The following C21orf91 variants were observed in gnomAD, a reference collection of about 807,000 sequenced individuals.
C21orf91 encodes chromosome 21 open reading frame 91.
Under a neutral mutation model 32.9 loss-of-function variants are expected in C21orf91, and 26 were observed. The ratio of observed to expected loss-of-function variants is 0.79; its 90% CI spans 0.58 to 1.10. C21orf91 has a LOEUF of 1.10. Among genes scored for constraint, C21orf91 ranks in the 50% least tolerant of loss-of-function variants. C21orf91 has a pLI of 0.00. For missense variants in C21orf91, 310 were observed against 341.3 expected, an observed-to-expected ratio of 0.91 and a Z score of 0.72; for synonymous variants, 126 against 120.4, an observed-to-expected ratio of 1.05 and a Z score of -0.31.
At chr21:17,798,017 A>G (rs1428325826) in intron 2 of C21orf91, among the ~76,000 whole-genome samples, 4 of 151,994 alleles carry the variant, frequency 2.6e-5, no homozygotes, top group Non-Finnish European at 4.4e-5. Context: ...CCATGTTATT[A>G]AAGTTAAACA....
intron 2 of C21orf91, among the ~76,000 whole-genome samples, chr21:17,808,386 G>T (rs2062611884): frequency 6.6e-6 from 1 of 152,244 alleles, no homozygotes; most frequent in Non-Finnish European, 1.5e-5. Flanking sequence ...CCAGGCAGAA[G>T]TCTGCTGCAG....
intron 2 of C21orf91, chr21:17,814,005 A>G (rs1408873962): frequency 6.8e-6 from 1 of 147,804 alleles, no homozygotes; most frequent in Non-Finnish European, 1.5e-5. Flanking sequence ...AAGCTAGCTT[A>G]AAAAAAAAAG....
chr21:17,802,378 C>T (rs2062567681), intron 2 of C21orf91, among the ~76,000 whole-genome samples: 1 of 152,160 alleles, frequency 6.6e-6, no homozygotes, highest in Admixed American at 6.5e-5. Context: ...CCAGGCTGGT[C>T]TCAAACTCCC....
At chr21:17,806,326 AAG>A (rs1462169577) in intron 2 of C21orf91, among the ~76,000 whole-genome samples, 1 of 152,232 alleles carries the variant, frequency 6.6e-6, no homozygotes, top group East Asian at 1.9e-4. Context: ...GAGGAGAAAT[AAG>A]AGACCCTAAA....
Position 17,796,750 on chromosome 21 carries a change from C to T in C21orf91, c.496G>A (p.Glu166Lys). The change falls in exon 3 of 5, where the codon GAA becomes AAA. Residue 166 changes from glutamate to lysine, a missense_variant. Glu to Lys is a moderately conservative substitution (Grantham distance 56). Coordinates refer to ENST00000284881, the MANE Select transcript of C21orf91 (RefSeq NM_001100420.2). The stretch of plus-strand genomic sequence containing the variant: ...ATAGAAAGTCCAAAGTCTGTATTTT[C>T]CCTCTGCTCCAAAATTCTTTGTGTA... The part of the protein sequence containing the change: ...NCTQRILEQR[E>K]NTDFGLSMLQ... 1 of 1,614,106 alleles carries T rather than the reference C, an allele frequency of 6.2e-7. No individual in the cohort carries two copies. The highest frequency in any genetic ancestry group is 8.5e-7 in the Non-Finnish European group (1 of 1,179,978).
intron 2 of C21orf91, among the ~76,000 whole-genome samples, chr21:17,809,375 T>C (rs910730670): frequency 2.0e-5 from 3 of 152,222 alleles, no homozygotes; most frequent in Admixed American, 6.5e-5. Context: ...TATTTGAAGA[T>C]AGCAGTATAG....
Position 17,799,974 on chromosome 21 carries a change from T to C in C21orf91, c.128-2856A>G, listed in dbSNP as rs111397335. ...AGGCTACTCAGCGGGTAATTAAAGG[T>C]GTCTTTCAGTGAAGTTACTCCTATA... On this transcript the variant is annotated intron_variant, in intron 2 of 4. Coordinates refer to ENST00000284881, the MANE Select transcript of C21orf91 (RefSeq NM_001100420.2). 2.5e-3 allele frequency among the ~76,000 whole-genome samples: 375 copies of C among 152,264 alleles called. 10 individuals are homozygous for C. In the East Asian group the frequency reaches 0.068, roughly 28 times the overall value.
chr21:17,805,849 A>G (rs965859775), intron 2 of C21orf91, among the ~76,000 whole-genome samples: 2 of 152,200 alleles, frequency 1.3e-5, no homozygotes, highest in African/African-American at 4.8e-5. Flanking sequence ...ATTTTTCTGC[A>G]TAAAATTGTC....
intron 2 of C21orf91, among the ~76,000 whole-genome samples, chr21:17,808,070 G>A (rs1034553880): frequency 2.0e-5 from 3 of 152,208 alleles, no homozygotes; most frequent in Non-Finnish European, 2.9e-5. Context: ...GCATTTCAGA[G>A]ACCTTTGTTG....
chr21:17,807,286 G>A (rs958926709), intron 2 of C21orf91, among the ~76,000 whole-genome samples: 2 of 152,122 alleles, frequency 1.3e-5, no homozygotes, highest in Non-Finnish European at 2.9e-5. Flanking sequence ...GTTTAAAAGT[G>A]TGTAACACCT....
At chr21:17,819,210 G>C (rs1050366237) in intron 1 of C21orf91, 93 bp downstream of exon 1, 1 of 152,402 alleles carries the variant, frequency 6.6e-6, no homozygotes, top group African/African-American at 2.4e-5. Flanking sequence ...AGCAGCGCGA[G>C]GGGCCACGGG....
In C21orf91 at chr21:17,790,099, G is replaced by C. The variant is rs1357905948; in HGVS notation, c.*3316C>G. ...GTTGACAATAGAAGAATTTTACATG[G>C]TACCATTTCAAATTTTCATGTACAA... On this transcript the variant is annotated 3_prime_UTR_variant, in exon 5 of 5. Coordinates refer to ENST00000284881, the MANE Select transcript of C21orf91 (RefSeq NM_001100420.2). 1 of 152,006 alleles carries C rather than the reference G, an allele frequency of 6.6e-6. No homozygotes were observed. The highest frequency in any genetic ancestry group is 2.4e-5 in the African/African-American group (1 of 41,414). 9.4% of individuals were successfully genotyped at this position (152,006 alleles called of 1,614,324 possible). A position where few individuals can be genotyped will look rare whatever the true frequency, so the allele number is the denominator to read the frequency against.
intron 2 of C21orf91, among the ~76,000 whole-genome samples, chr21:17,814,220 C>G (rs1245859642): frequency 6.6e-6 from 1 of 152,190 alleles, no homozygotes; most frequent in Non-Finnish European, 1.5e-5. Context: ...CCTGACCACC[C>G]TGGGCTGCCT....
chr21:17,813,163 G>C (rs1490634413), intron 2 of C21orf91, among the ~76,000 whole-genome samples: 1 of 152,210 alleles, frequency 6.6e-6, no homozygotes, highest in East Asian at 1.9e-4. Flanking sequence ...ATGCCAGATT[G>C]AATTAGCTCT....
chr21:17,798,681 G>A lies in C21orf91; in HGVS notation c.128-1563C>T, dbSNP rs74715729. Among the ~76,000 whole-genome samples the A allele has an allele frequency of 3.4e-3, 518 of 152,182 alleles. 10 individuals carry two copies. In the East Asian group the frequency reaches 0.068, roughly 20 times the overall value. ...AATTTCCAGCAACATTAGAATATGT[G>A]AATTATAAATCTCAAAGCTTTATTT... On this transcript the variant is annotated intron_variant, in intron 2 of 4. Coordinates refer to ENST00000284881, the MANE Select transcript of C21orf91 (RefSeq NM_001100420.2).
intron 2 of C21orf91, chr21:17,810,791 T>C (rs2062627902): frequency 6.6e-6 from 1 of 152,236 alleles, no homozygotes; most frequent in Non-Finnish European, 1.5e-5. Flanking sequence ...TTTTTCTTCC[T>C]AGCTCCTCCC....
intron 2 of C21orf91, among the ~76,000 whole-genome samples, chr21:17,804,599 C>T (rs576432483): frequency 1.8e-4 from 27 of 152,156 alleles, no homozygotes; most frequent in African/African-American, 4.8e-4. Flanking sequence ...AACTTGCTTC[C>T]GCACATTTTG....
Position 17,790,761 on chromosome 21 carries a change from A to G in C21orf91, c.*2654T>C, listed in dbSNP as rs1448321320. On this transcript the variant is annotated 3_prime_UTR_variant, in exon 5 of 5. Transcript: ENST00000284881. Reference sequence around the variant, plus strand: ...ATAATCTCAAAGTAAAACATAATTGATTTTTAGCTTCATTATAAGGCTGAA... The same window carrying G: ...ATAATCTCAAAGTAAAACATAATTGGTTTTTAGCTTCATTATAAGGCTGAA... 1 of 152,126 alleles carries G rather than the reference A, an allele frequency of 6.6e-6. No homozygotes were observed. Among genetic ancestry groups the G allele is most frequent in the East Asian group, 1.9e-4 (1 of 5,202 alleles). 9.4% of individuals were successfully genotyped at this position (152,126 alleles called of 1,614,324 possible).
intron 2 of C21orf91, 153 bp downstream of exon 2, chr21:17,818,039 A>G (rs112257596): frequency 1.1e-4 from 54 of 486,970 alleles, no homozygotes; most frequent in Non-Finnish European, 1.4e-5. Flanking sequence ...CTGCACCTTC[A>G]TTTCCAGAAA....
Sources: allele counts gnomAD v4.1 joint callset (sites outside exome capture counted in the v4.1 genomes callset), GRCh38; gene constraint gnomAD v4.1.1; transcripts MANE v1.5; gene names NCBI Gene and HGNC (gene_info 2026-07-23, HGNC 2026-07-21).